The following UST variants were observed in gnomAD, a reference collection of about 807,000 sequenced individuals.
UST encodes chondroitin sulfate 2-O-sulfotransferase.
Under a neutral mutation model 45.6 loss-of-function variants are expected in UST, and 21 were observed. That is an observed-to-expected ratio of 0.46 (90% CI 0.33 to 0.66). UST has a LOEUF of 0.66. UST is among the 30% of genes least tolerant of loss of function. UST has a pLI of 0.02. For missense variants in UST, 463 were observed against 512.4 expected (o/e 0.90, Z 0.93); for synonymous variants, 215 against 200.6 (o/e 1.07, Z -0.61).
chr6:148,893,415 T>G (rs1050068192), intron 2 of UST, among the ~76,000 whole-genome samples: 2 of 152,210 alleles, frequency 1.3e-5, no homozygotes, highest in African/African-American at 4.8e-5. Flanking sequence ...ATTGATTGTT[T>G]AATGCCTACT....
At chr6:148,847,400 A>G (rs990880058) in intron 1 of UST, among the ~76,000 whole-genome samples, 7 of 152,242 alleles carry the variant, frequency 4.6e-5, no homozygotes, top group Admixed American at 4.6e-4. Context: ...TGCCTGCTGA[A>G]TGTTGGCCAG....
At position 148,814,552 on chromosome 6, in the gene UST, ACT is replaced by A. The variant is rs753283519; in HGVS notation, c.247+66878_247+66879del. ...CAGATTTATGACACCCGATGCCTGAACTCTGTGTGTGACATCAGGGTTATGGC... is the reference window on the plus strand; with the variant it reads ...CAGATTTATGACACCCGATGCCTGAACTGTGTGTGACATCAGGGTTATGGC... On this transcript the variant is annotated intron_variant, in intron 1 of 7. Coordinates refer to ENST00000367463, the MANE Select transcript of UST (RefSeq NM_005715.3). Among the ~76,000 whole-genome samples, 15 of 152,010 alleles carry A rather than the reference ACT, an allele frequency of 9.9e-5. No homozygotes were observed. In the East Asian group the frequency reaches 2.3e-3, roughly 24 times the overall value.
rs568995160 is a variant in UST, at chr6:148,765,641, A to G, written c.247+17964A>G. ...AAGAGATTAAAGTAAAGACAGGCAT[A>G]GGAAATCATGAGAGTATTGATTGGG... On this transcript the variant is annotated intron_variant, in intron 1 of 7. Coordinates refer to ENST00000367463, the MANE Select transcript of UST (RefSeq NM_005715.3). Among the ~76,000 whole-genome samples, 5 of 152,372 alleles carry G rather than the reference A, an allele frequency of 3.3e-5. No homozygotes were observed. The East Asian group carries it at 9.6e-4, about 29-fold the overall frequency.
chr6:148,823,726 T>C (rs1408962930), intron 1 of UST, among the ~76,000 whole-genome samples: 2 of 152,200 alleles, frequency 1.3e-5, no homozygotes, highest in African/African-American at 4.8e-5. Flanking sequence ...AGGGTATCAG[T>C]TAACATTGCT....
chr6:149,004,892 G>A (rs1781618489), intron 5 of UST, among the ~76,000 whole-genome samples: 1 of 152,070 alleles, frequency 6.6e-6, no homozygotes, highest in African/African-American at 2.4e-5. Flanking sequence ...GGAATGCAGT[G>A]GTGCGATCAC....
At chr6:149,048,439 G>A (rs770372371) in intron 7 of UST, among the ~76,000 whole-genome samples, 1 of 151,840 alleles carries the variant, frequency 6.6e-6, no homozygotes, top group Non-Finnish European at 1.5e-5. Flanking sequence ...AGGACGCTGA[G>A]GCAGGAGAAT....
intron 5 of UST, 193 bp downstream of exon 5, chr6:148,964,756 A>G: frequency 1.5e-6 from 1 of 645,326 alleles, no homozygotes; most frequent in Non-Finnish European, 2.6e-6. Flanking sequence ...ATCCTAATGA[A>G]CATTTCCTCA....
intron 1 of UST, among the ~76,000 whole-genome samples, chr6:148,791,639 T>C (rs1177095257): frequency 1.3e-5 from 2 of 152,206 alleles, no homozygotes; most frequent in African/African-American, 4.8e-5. Flanking sequence ...ATACTCTTGT[T>C]GTCCTAAGTT....
chr6:148,990,949 A>G (rs532118772), intron 5 of UST, among the ~76,000 whole-genome samples: 1 of 152,156 alleles, frequency 6.6e-6, no homozygotes, highest in African/African-American at 2.4e-5. Flanking sequence ...GTGGGCTGGC[A>G]CTCTCCTAAG....
intron 1 of UST, among the ~76,000 whole-genome samples, chr6:148,828,564 C>T (rs1020106184): frequency 2.6e-5 from 4 of 152,132 alleles, no homozygotes; most frequent in African/African-American, 4.8e-5. Context: ...AAATTCTTGG[C>T]TCTCACTTTC....
chr6:149,073,464 A>C (rs1776845809), intron 7 of UST, among the ~76,000 whole-genome samples: 1 of 152,252 alleles, frequency 6.6e-6, no homozygotes, highest in Admixed American at 6.5e-5. Flanking sequence ...CAGCTCTTCC[A>C]TGCCTCCTTC....
intron 7 of UST, among the ~76,000 whole-genome samples, chr6:149,067,290 G>A (rs960105912): frequency 3.9e-5 from 6 of 152,110 alleles, no homozygotes; most frequent in African/African-American, 1.2e-4. Context: ...AGGCAATTTT[G>A]TTCCTCTTTG....
chr6:149,012,422 G>A (rs927299917), intron 5 of UST, among the ~76,000 whole-genome samples: 3 of 152,132 alleles, frequency 2.0e-5, no homozygotes, highest in East Asian at 1.9e-4. Context: ...TCTGATTACC[G>A]TGGTCCACTT....
At chr6:148,976,570 G>A (rs143442550) in intron 5 of UST, among the ~76,000 whole-genome samples, 79 of 152,294 alleles carry the variant, frequency 5.2e-4, no homozygotes, top group Admixed American at 2.2e-3. Flanking sequence ...GTCATCATAC[G>A]TTTTTATCTT....
intron 1 of UST, among the ~76,000 whole-genome samples, chr6:148,804,229 T>C (rs1777106423): frequency 1.3e-5 from 2 of 152,192 alleles, no homozygotes; most frequent in Non-Finnish European, 2.9e-5. Context: ...TAGAATGCTC[T>C]CATCTCAGAG....
At chr6:148,750,954 G>A (rs1178390477) in intron 1 of UST, among the ~76,000 whole-genome samples, 5 of 152,124 alleles carry the variant, frequency 3.3e-5, no homozygotes, top group South Asian at 2.1e-4. Context: ...TGGACCTGCC[G>A]CATCAGCCTC....
At position 149,073,985 on chromosome 6, in the gene UST, C is replaced by CTT; in HGVS notation, c.1091_1092dup (p.Lys365LeufsTer10). The CTT allele has an allele frequency of 6.2e-7, 1 of 1,614,206 alleles. No homozygotes were observed. ...CCACCTGCTGAAGCGCAAGTTTGGA[C>CTT]TTAAGTCTCACGTCAGCAAGCCCCC... On this transcript the variant is annotated frameshift_variant, in exon 8 of 8. Transcript: ENST00000367463. LOFTEE classifies it high-confidence loss of function.
intron 5 of UST, among the ~76,000 whole-genome samples, chr6:149,016,300 G>A (rs1775898648): frequency 6.6e-6 from 1 of 152,130 alleles, no homozygotes; most frequent in Admixed American, 6.5e-5. Context: ...TTCCAATAGG[G>A]AAGTGGCCTT....
At position 148,840,819 on chromosome 6, in the gene UST, G is replaced by A. The variant is rs117825629; in HGVS notation, c.248-46167G>A. ...TTTGGGACTGCCCCTCACCTACTGA[G>A]TCCTTCACCTGTGGAGCCCCAGCAG... On this transcript the variant is annotated intron_variant, in intron 1 of 7. Coordinates refer to ENST00000367463, the MANE Select transcript of UST (RefSeq NM_005715.3). 2.1e-3 allele frequency among the ~76,000 whole-genome samples: 319 copies of A among 152,258 alleles called. 10 individuals carry two copies. The East Asian group carries it at 0.05, about 24-fold the overall frequency.
Sources: gnomAD v4.1 joint callset for allele counts (sites outside exome capture counted in the v4.1 genomes callset) on GRCh38, gnomAD v4.1.1 for gene constraint, MANE v1.5 for transcripts, NCBI Gene and HGNC (gene_info 2026-07-23, HGNC 2026-07-21) for gene names.